The following CDH22 variants were observed in gnomAD, a reference collection of about 807,000 sequenced individuals.
CDH22 encodes cadherin 22, also known as cadherin-22.
Under a neutral mutation model 58.4 loss-of-function variants are expected in CDH22, and 30 were observed. That is an observed-to-expected ratio of 0.51 (90% CI 0.38 to 0.70). CDH22 has a LOEUF of 0.70. Among genes scored for constraint, CDH22 ranks in the 30% least tolerant of loss-of-function variants. The pLI is 0.00. For missense variants in CDH22, 1,014 were observed against 1,233.9 expected, an observed-to-expected ratio of 0.82 and a Z score of 2.67; for synonymous variants, 513 against 558.2, an observed-to-expected ratio of 0.92 and a Z score of 1.14.
intron 7 of CDH22, among the ~76,000 whole-genome samples, chr20:46,204,402 A>G (rs2085984119): frequency 1.3e-5 from 2 of 150,494 alleles, no homozygotes; most frequent in African/African-American, 4.9e-5. Context: ...TCAAAAAAAA[A>G]AAAAAAAAAA....
Position 46,213,057 on chromosome 20 carries a change from C to G in CDH22, c.970G>C (p.Gly324Arg). The change falls in exon 6 of 12, where the codon GGC becomes CGC. Residue 324 changes from glycine to arginine, a missense_variant. This residue lies in a region of CDH22 where 806 missense variants were observed against 1,038.7 expected (regional missense o/e 0.78). Coordinates refer to ENST00000537909, the MANE Select transcript of CDH22 (RefSeq NM_021248.3). The part of the protein sequence containing the change: ...YHLKDESSSG[G>R]DVFKVTTDSD... ...TCTGTGGTGACCTTGAACACATCGC[C>G]GCCGCTGCTGCTCTCGTCCTTAAGG... 1.2e-6 allele frequency: 2 copies of G among 1,614,198 alleles called. No homozygotes were observed. Among genetic ancestry groups the G allele is most frequent in the Non-Finnish European group, 1.7e-6 (2 of 1,180,020 alleles).
chr20:46,183,117 T>C (rs1393659214), intron 10 of CDH22, among the ~76,000 whole-genome samples: 3 of 152,180 alleles, frequency 2.0e-5, no homozygotes. Flanking sequence ...GCTAGCTGTG[T>C]TTCCTGTGAC....
intron 1 of CDH22, among the ~76,000 whole-genome samples, chr20:46,261,576 C>T (rs894458988): frequency 6.6e-6 from 1 of 152,124 alleles, no homozygotes; most frequent in African/African-American, 2.4e-5. Context: ...CCCGGCACAC[C>T]TGGCTTGTAT....
At chr20:46,195,237 A>G (rs2085890425) in intron 8 of CDH22, among the ~76,000 whole-genome samples, 1 of 152,190 alleles carries the variant, frequency 6.6e-6, no homozygotes, top group Non-Finnish European at 1.5e-5. Context: ...CCATTCATTC[A>G]TCCATTCGGT....
chr20:46,250,932 C>T, intron 2 of CDH22, 108 bp downstream of exon 2: 1 of 704,536 alleles, frequency 1.4e-6, no homozygotes, highest in Non-Finnish European at 2.5e-6. Context: ...GCAGAAGAGG[C>T]ACATGAAACA....
intron 1 of CDH22, among the ~76,000 whole-genome samples, chr20:46,302,476 G>T (rs960596063): frequency 6.6e-6 from 1 of 152,324 alleles, no homozygotes; most frequent in African/African-American, 2.4e-5. Context: ...CACAAGGCAG[G>T]CAGTGAGAAA....
intron 1 of CDH22, among the ~76,000 whole-genome samples, chr20:46,287,596 C>T (rs567124580): frequency 3.3e-5 from 5 of 151,288 alleles, no homozygotes; most frequent in Admixed American, 6.6e-5. Context: ...GTTGGCACGT[C>T]AGGAGCAATG....
intron 1 of CDH22, among the ~76,000 whole-genome samples, chr20:46,269,633 G>A (rs2086477756): frequency 6.6e-6 from 1 of 152,216 alleles, no homozygotes. Context: ...CCCACACCGT[G>A]CACCCTCTCT....
intron 2 of CDH22, among the ~76,000 whole-genome samples, chr20:46,242,113 G>A (rs1337779547): frequency 6.6e-6 from 1 of 152,250 alleles, no homozygotes; most frequent in Non-Finnish European, 1.5e-5. Flanking sequence ...CACCTTCCAT[G>A]TGCCAGGCAC....
chr20:46,188,994 G>A (rs1328150493), intron 8 of CDH22, among the ~76,000 whole-genome samples: 2 of 152,098 alleles, frequency 1.3e-5, no homozygotes. Context: ...CGGGGAGTGG[G>A]ACTGGTCGGC....
chr20:46,240,670 C>T (rs563848456), intron 3 of CDH22, among the ~76,000 whole-genome samples: 7 of 152,226 alleles, frequency 4.6e-5, no homozygotes, highest in Non-Finnish European at 8.8e-5. Context: ...TGTCTCCATA[C>T]GTGACTGGGT....
At position 46,210,010 on chromosome 20, in the gene CDH22, C is replaced by G. The variant is rs949085520; in HGVS notation, c.1286+297G>C. On this transcript the variant is annotated intron_variant, in intron 7 of 11. Coordinates refer to ENST00000537909, the MANE Select transcript of CDH22 (RefSeq NM_021248.3). This position sits in a 1 kb window ranked among gnomAD's most constrained non-coding sequence, Gnocchi z 4.5. The stretch of plus-strand genomic sequence containing the variant: ...GAGCCAGTGTGGCTGCAGCCAGCAG[C>G]GCGGAGACCCCGCCAGTGCAGTGCC... The G allele has an allele frequency of 6.1e-6, 2 of 325,610 alleles. No homozygotes were observed. Among genetic ancestry groups the G allele is most frequent in the African/African-American group, 4.3e-5 (2 of 46,492 alleles). 20.2% of individuals were successfully genotyped at this position (325,610 alleles called of 1,614,324 possible).
intron 4 of CDH22, among the ~76,000 whole-genome samples, chr20:46,226,276 TC>T (rs1568665321): frequency 0.01 from 31 of 2,954 alleles, 1 homozygote; most frequent in African/African-American, 0.045. Context: ...TTCTTCTTCT[TC>T]TTCTTCTTCT....
intron 1 of CDH22, among the ~76,000 whole-genome samples, chr20:46,259,443 G>A (rs1334182434): frequency 6.6e-6 from 1 of 152,184 alleles, no homozygotes; most frequent in East Asian, 1.9e-4. Flanking sequence ...AAAATCTAGT[G>A]AAGACCTACT....
chr20:46,227,451 CGCCCCGCCCCTG>C (rs1282462273), intron 4 of CDH22, 45 bp downstream of exon 4: 8 of 1,405,232 alleles, frequency 5.7e-6, no homozygotes, highest in Admixed American at 3.9e-5. Context: ...GTCCTCGTCC[CGCCCCGCCCCTG>C]GCCCCGCCCC....
intron 1 of CDH22, among the ~76,000 whole-genome samples, chr20:46,283,117 C>T (rs1272846003): frequency 1.3e-5 from 2 of 152,228 alleles, no homozygotes; most frequent in Non-Finnish European, 2.9e-5. Context: ...GTGCCCCCCA[C>T]ATCCAGTTAT....
intron 4 of CDH22, among the ~76,000 whole-genome samples, chr20:46,218,468 A>G (rs930232470): frequency 6.6e-6 from 1 of 152,244 alleles, no homozygotes; most frequent in East Asian, 1.9e-4. Flanking sequence ...ACACTCATGT[A>G]CACTCACTAT....
chr20:46,233,455 T>C (rs144417818), intron 3 of CDH22, among the ~76,000 whole-genome samples: 187 of 152,336 alleles, frequency 1.2e-3, no homozygotes, highest in Middle Eastern at 6.8e-3. Flanking sequence ...GACTGCAACA[T>C]TTGAAGTATC....
chr20:46,210,655 G>T lies in CDH22; in HGVS notation c.1033-95C>A. The T allele has an allele frequency of 8.4e-7, 1 of 1,195,964 alleles. No individual in the cohort carries two copies. Among genetic ancestry groups the T allele is most frequent in the Non-Finnish European group, 1.1e-6 (1 of 898,826 alleles). 74.1% of individuals were successfully genotyped at this position (1,195,964 alleles called of 1,614,324 possible). A position where few individuals can be genotyped will look rare whatever the true frequency, so the allele number is the denominator to read the frequency against. On this transcript the variant is annotated intron_variant, in intron 6 of 11. Transcript: ENST00000537909. The surrounding 1 kb of genome is among the most constrained non-coding windows in gnomAD (Gnocchi z 4.5). ...CCAAGGCAGGCGGGGTTGGCCCAAGGTCACACGTTGTCTCAGCAGGGGCGG... is the reference window on the plus strand; with the variant it reads ...CCAAGGCAGGCGGGGTTGGCCCAAGTTCACACGTTGTCTCAGCAGGGGCGG...
Sources: gnomAD v4.1 joint callset for allele counts (sites outside exome capture counted in the v4.1 genomes callset) on GRCh38, gnomAD v4.1.1 for gene constraint, gnomAD v4.1.1 regional missense constraint, Gnocchi (gnomAD v3.1) non-coding constraint, MANE v1.5 for transcripts, NCBI Gene and HGNC (gene_info 2026-07-23, HGNC 2026-07-21) for gene names.